Variants in TSC22D2 observed in about 807,000 individuals in gnomAD.
The protein encoded by TSC22D2 is TSC22 domain family member 2, also known as TSC22 domain family protein 2.
A neutral mutation model predicts 50.1 loss-of-function variants in TSC22D2; 5 were observed. The observed-to-expected ratio is 0.10, with a 90% CI of 0.05 to 0.21. The LOEUF (loss-of-function observed/expected upper bound fraction) is 0.21, where lower values mean the gene tolerates loss of function less well. Among genes scored for constraint, TSC22D2 ranks in the 10% least tolerant of loss-of-function variants. The pLI is 1.00. For missense variants in TSC22D2, 1,003 were observed against 1,015.5 expected, an observed-to-expected ratio of 0.99 and a Z score of 0.17; for synonymous variants, 501 against 450.1, an observed-to-expected ratio of 1.11 and a Z score of -1.43.
At chr3:150,422,366 A>G (rs1720038263) in intron 1 of TSC22D2, among the ~76,000 whole-genome samples, 1 of 152,210 alleles carries the variant, frequency 6.6e-6, no homozygotes, top group African/African-American at 2.4e-5. Flanking sequence ...TTAAGAGTCT[A>G]TGGTGAAAGC....
intron 1 of TSC22D2, among the ~76,000 whole-genome samples, chr3:150,423,957 C>T (rs557130458): frequency 9.8e-5 from 15 of 152,320 alleles, no homozygotes; most frequent in Non-Finnish European, 1.9e-4. Context: ...GGATAACACT[C>T]ATGAACTCAA....
At position 150,408,369 on chromosome 3, in the gene TSC22D2, C is replaced by T. The variant is rs977865528; in HGVS notation, c.-982C>T. 5 of 153,160 alleles carry T rather than the reference C, an allele frequency of 3.3e-5. No homozygotes were observed. The highest frequency in any genetic ancestry group is 1.2e-4 in the African/African-American group (5 of 41,472). 9.5% of individuals were successfully genotyped at this position (153,160 alleles called of 1,614,324 possible). A position where few individuals can be genotyped will look rare whatever the true frequency, so the allele number is the denominator to read the frequency against. Reference sequence around the variant, plus strand: ...CCTGGCGCGGCCATTTCAGCCCCATCTTGGCCCAGCGGAGGGAGCTGCAGC... The same window carrying T: ...CCTGGCGCGGCCATTTCAGCCCCATTTTGGCCCAGCGGAGGGAGCTGCAGC... On this transcript the variant is annotated 5_prime_UTR_variant, in exon 1 of 3. Transcript: ENST00000688009.
At chr3:150,416,532 G>A (rs1719809496) in intron 1 of TSC22D2, among the ~76,000 whole-genome samples, 1 of 152,078 alleles carries the variant, frequency 6.6e-6, no homozygotes, top group African/African-American at 2.4e-5. Flanking sequence ...CGATGGTATT[G>A]TATTGAGTCC....
At chr3:150,445,348 A>ATAG (rs1720849213) in intron 1 of TSC22D2, among the ~76,000 whole-genome samples, 1 of 148,076 alleles carries the variant, frequency 6.8e-6, no homozygotes, top group African/African-American at 2.5e-5. Flanking sequence ...AATAATAATA[A>ATAG]TAATAATAAT....
Position 150,410,065 on chromosome 3 carries a change from G to A in TSC22D2, c.715G>A (p.Glu239Lys). ...VASMQGAHGPESGTDSSLTAV... is the reference protein window; with the variant it reads ...VASMQGAHGPKSGTDSSLTAV... Reference sequence around the variant, plus strand: ...CTCCATGCAGGGGGCGCACGGGCCCGAGTCGGGAACTGACAGCTCCTTGAC... The same window carrying A: ...CTCCATGCAGGGGGCGCACGGGCCCAAGTCGGGAACTGACAGCTCCTTGAC... The change falls in exon 1 of 3, where the codon GAG becomes AAG. Residue 239 changes from glutamate (E) to lysine (K), a missense_variant. This residue lies in a region of TSC22D2 where 696 missense variants were observed against 647.8 expected (regional missense o/e 1.07). Transcript: ENST00000688009. 6.2e-7 allele frequency: 1 copy of A among 1,613,084 alleles called. No homozygotes were observed. Among genetic ancestry groups the A allele is most frequent in the East Asian group, 2.2e-5 (1 of 44,864 alleles).
intron 1 of TSC22D2, among the ~76,000 whole-genome samples, chr3:150,440,076 C>G (rs1720668786): frequency 6.6e-6 from 1 of 152,156 alleles, no homozygotes; most frequent in Non-Finnish European, 1.5e-5. Flanking sequence ...TCAATATCCT[C>G]AGTTTACAGA....
rs1719531660 is a variant in TSC22D2 at position 150,410,948 on chromosome 3, C to T, written c.1598C>T (p.Ala533Val). The T allele has an allele frequency of 6.2e-7, 1 of 1,614,184 alleles. No individual in the cohort carries two copies. ...TCTGTTACTATGCCAAATGTACCCG[C>T]GCCTCTGGCCCAGTCGCAACAGCTG... ...TTSVTMPNVPAPLAQSQQLSS... is the reference protein window; with the variant it reads ...TTSVTMPNVPVPLAQSQQLSS... Residue 533 changes from alanine to valine, a missense_variant, in exon 1 of 3, where the codon GCG becomes GTG. Ala to Val is a moderately conservative substitution (Grantham distance 64). This residue lies in a region of TSC22D2 where 696 missense variants were observed against 647.8 expected (regional missense o/e 1.07). Coordinates refer to ENST00000688009, the MANE Select transcript of TSC22D2 (RefSeq NM_001303264.2).
intron 1 of TSC22D2, among the ~76,000 whole-genome samples, chr3:150,432,403 ATTAT>A (rs1295860321): frequency 6.6e-6 from 1 of 151,936 alleles, no homozygotes; most frequent in Non-Finnish European, 1.5e-5. Context: ...AGGTCTCTTT[ATTAT>A]TTATTTATTT....
At position 150,420,256 on chromosome 3, in the gene TSC22D2, T is replaced by A. The variant is rs1719961223; in HGVS notation, c.1958+8948T>A. Among the ~76,000 whole-genome samples the A allele has an allele frequency of 2.0e-5, 3 of 152,222 alleles. No homozygotes were observed. In the South Asian group the frequency reaches 6.2e-4, roughly 31 times the overall value. On this transcript the variant is annotated intron_variant, in intron 1 of 2. Transcript: ENST00000688009. Reference sequence around the variant, plus strand: ...TCACAGACTTGACTCCTTTAATCTGTTAGTCAGTGTTTGGAGACTAATTAT... The same window carrying A: ...TCACAGACTTGACTCCTTTAATCTGATAGTCAGTGTTTGGAGACTAATTAT...
At chr3:150,412,316 A>G (rs1340203296) in intron 1 of TSC22D2, among the ~76,000 whole-genome samples, 1 of 152,192 alleles carries the variant, frequency 6.6e-6, no homozygotes, top group Non-Finnish European at 1.5e-5. Context: ...TCACAGTTAG[A>G]CATTTCTTTG....
At chr3:150,413,294 G>C (rs1158169069) in intron 1 of TSC22D2, among the ~76,000 whole-genome samples, 1 of 152,112 alleles carries the variant, frequency 6.6e-6, no homozygotes, top group Non-Finnish European at 1.5e-5. Flanking sequence ...CTTACCAATT[G>C]CAACAGTTAA....
chr3:150,412,712 G>T (rs1021461417), intron 1 of TSC22D2, among the ~76,000 whole-genome samples: 4 of 152,128 alleles, frequency 2.6e-5, no homozygotes, highest in Non-Finnish European at 4.4e-5. Context: ...GAAATTTTGT[G>T]TGTGTGGGAC....
intron 1 of TSC22D2, among the ~76,000 whole-genome samples, chr3:150,418,189 A>G (rs1387030392): frequency 1.3e-5 from 2 of 152,038 alleles, no homozygotes; most frequent in Non-Finnish European, 2.9e-5. Flanking sequence ...TTCAGCTTTC[A>G]TGATGCTCTG....
intron 1 of TSC22D2, among the ~76,000 whole-genome samples, chr3:150,444,489 G>A (rs771327547): frequency 6.6e-5 from 10 of 152,118 alleles, no homozygotes; most frequent in Admixed American, 1.3e-4. Flanking sequence ...AATTATGGAC[G>A]AATCAGAGAA....
intron 1 of TSC22D2, among the ~76,000 whole-genome samples, chr3:150,421,658 G>A (rs1303236258): frequency 6.6e-6 from 1 of 152,120 alleles, no homozygotes; most frequent in African/African-American, 2.4e-5. Flanking sequence ...AGTTACTTTG[G>A]TGATTCTCTG....
Position 150,410,523 on chromosome 3 carries a change from A to G in TSC22D2, c.1173A>G (p.Pro391=), listed in dbSNP as rs1184500722. 1.9e-6 allele frequency: 3 copies of G among 1,581,296 alleles called. No homozygotes were observed. The highest frequency in any genetic ancestry group is 2.6e-6 in the Non-Finnish European group (3 of 1,165,406). The change falls in exon 1 of 3, where the codon CCA becomes CCG. Residue 391 remains proline, a synonymous_variant. Transcript: ENST00000688009. ...AGCACGTGGCCGGCCTGCAGCCGCC[A>G]AGCCCCGCGCAGCCCTCGTCCACCG... The part of the protein sequence containing the change: ...LQQHVAGLQP[P]SPAQPSSTGA...
intron 1 of TSC22D2, among the ~76,000 whole-genome samples, chr3:150,447,390 A>C (rs186782032): frequency 9.2e-5 from 14 of 152,218 alleles, no homozygotes; most frequent in Non-Finnish European, 1.5e-4. Flanking sequence ...CGCCTACTGC[A>C]TTCTTACAAC....
intron 2 of TSC22D2, among the ~76,000 whole-genome samples, chr3:150,457,540 A>G (rs767644297): frequency 6.6e-6 from 1 of 152,170 alleles, no homozygotes; most frequent in Non-Finnish European, 1.5e-5. Context: ...TGTGTCTGTA[A>G]TCCCAGCACC....
chr3:150,463,962 G>A lies in TSC22D2; in HGVS notation c.*5326G>A, dbSNP rs1468724298. 6.6e-6 allele frequency: 1 copy of A among 152,086 alleles called. No individual in the cohort carries two copies. Among genetic ancestry groups the A allele is most frequent in the African/African-American group, 2.4e-5 (1 of 41,374 alleles). 9.4% of individuals were successfully genotyped at this position (152,086 alleles called of 1,614,324 possible). A position where few individuals can be genotyped will look rare whatever the true frequency, so the allele number is the denominator to read the frequency against. ...AATTTTCCCATTGTCTACTGTCATG[G>A]GTCCATAGTATTTAAGTTTACAGAC... On this transcript the variant is annotated 3_prime_UTR_variant, in exon 3 of 3. Transcript: ENST00000688009.
Sources: gnomAD v4.1 joint callset for allele counts (sites outside exome capture counted in the v4.1 genomes callset) on GRCh38, gnomAD v4.1.1 for gene constraint, gnomAD v4.1.1 regional missense constraint, MANE v1.5 for transcripts, NCBI Gene and HGNC (gene_info 2026-07-23, HGNC 2026-07-21) for gene names.